LRIT1: variants seen among roughly 807,000 people sequenced by gnomAD.
LRIT1 encodes the protein leucine rich repeat, Ig-like and transmembrane domains 1.
In LRIT1, 23 loss-of-function variants were observed where a neutral mutation model predicts 24.0. The ratio of observed to expected loss-of-function variants is 0.96; its 90% CI spans 0.69 to 1.36. The LOEUF (loss-of-function observed/expected upper bound fraction) is 1.36. Ranked by LOEUF, LRIT1 falls within the 40% of genes most tolerant of loss-of-function variation. The probability of loss-of-function intolerance (pLI) is 0.00; values close to 1 mark genes in which losing one functional copy is unlikely to be tolerated. For missense variants in LRIT1, 846 were observed against 806.3 expected (o/e 1.05, Z -0.60); for synonymous variants, 361 against 340.5 (o/e 1.06, Z -0.66).
rs900961105 is a variant in LRIT1, at chr10:84,231,806, T to G, written c.*121A>C. The stretch of plus-strand genomic sequence containing the variant: ...GTAGCAGCTGCTGCTGCTGTTGTTG[T>G]GTGTAAGTATCTGAGTAAGCAGGTA... On this transcript the variant is annotated 3_prime_UTR_variant, in exon 4 of 4. Coordinates refer to ENST00000372105, the MANE Select transcript of LRIT1 (RefSeq NM_015613.3). 1.8e-5 allele frequency: 19 copies of G among 1,066,968 alleles called. No homozygotes were observed. The highest frequency in any genetic ancestry group is 4.9e-5 in the South Asian group (3 of 61,284). 66.1% of individuals were successfully genotyped at this position (1,066,968 alleles called of 1,614,324 possible).
At chr10:84,235,790 T>C (rs1255611696) in intron 2 of LRIT1, among the ~76,000 whole-genome samples, 1 of 151,976 alleles carries the variant, frequency 6.6e-6, no homozygotes, top group Non-Finnish European at 1.5e-5. Context: ...TTTGTATTTT[T>C]AGTAGAGACA....
rs1423245935 is a variant in LRIT1, at chr10:84,232,869, C to A, written c.930G>T (p.Trp310Cys). 3 of 1,612,592 alleles carry A rather than the reference C, an allele frequency of 1.9e-6. No individual in the cohort carries two copies. The East Asian group carries it at 6.7e-5, about 36-fold the overall frequency. Reference protein sequence around the residue: ...HQEVSSDGTSWTLLGLPAVSH... With the variant: ...HQEVSSDGTSCTLLGLPAVSH... The stretch of plus-strand genomic sequence containing the variant: ...ACACTGCAGGCAGGCCCAGCAGAGT[C>A]CAGCTCGTGCCGTCACTGGAGACTT... Residue 310 changes from tryptophan to cysteine, a missense_variant, in exon 4 of 4, where the codon TGG (tryptophan) becomes TGT (cysteine). Physicochemically the swap from Trp to Cys is radical, Grantham distance 215. Coordinates refer to ENST00000372105, the MANE Select transcript of LRIT1 (RefSeq NM_015613.3).
In LRIT1 at chr10:84,232,485, C is replaced by T; in HGVS notation, c.1314G>A (p.Gly438=). 6.2e-7 allele frequency: 1 copy of T among 1,614,126 alleles called. No homozygotes were observed. Among genetic ancestry groups the T allele is most frequent in the Non-Finnish European group, 8.5e-7 (1 of 1,180,028 alleles). The change falls in exon 4 of 4, where the codon GGG becomes GGA. Residue 438 remains glycine (G), a synonymous_variant. Transcript: ENST00000372105. The part of the protein sequence containing the change: ...ARMVRSVKVV[G]DTYHSVSLVW... The stretch of plus-strand genomic sequence containing the variant: ...CCAAGGACACGCTGTGGTAAGTGTC[C>T]CCCACCACCTTCACAGACCTCACCA...
chr10:84,232,704 T>C lies in LRIT1; in HGVS notation c.1095A>G (p.Thr365=). 2 of 1,613,868 alleles carry C rather than the reference T, an allele frequency of 1.2e-6. No individual in the cohort carries two copies. Among genetic ancestry groups the C allele is most frequent in the East Asian group, 2.2e-5 (1 of 44,882 alleles). ...AAGCAGCAGCTTCCCCTCCGCCACCTGTCCTTGCCCATAGTGCTCCTGGGC... is the reference window on the plus strand; with the variant it reads ...AAGCAGCAGCTTCCCCTCCGCCACCCGTCCTTGCCCATAGTGCTCCTGGGC... ...SGSPGALWAR[T]GGGGEAAAYN... The change falls in exon 4 of 4, where the codon ACA becomes ACG. Residue 365 remains threonine, a synonymous_variant. Transcript: ENST00000372105.
chr10:84,238,419 G>A (rs543653110), intron 1 of LRIT1, among the ~76,000 whole-genome samples: 5 of 151,590 alleles, frequency 3.3e-5, no homozygotes, highest in Admixed American at 6.6e-5. Context: ...TTGGTTTATC[G>A]TTTAACAAAA....
intron 2 of LRIT1, among the ~76,000 whole-genome samples, chr10:84,236,257 C>A (rs1842646753): frequency 6.6e-6 from 1 of 151,202 alleles, no homozygotes; most frequent in Admixed American, 6.6e-5. Context: ...GGTCGTGCCA[C>A]TGGACTCCAT....
chr10:84,234,485 G>T, intron 2 of LRIT1, 107 bp from the exon 3 acceptor site: 1 of 865,716 alleles, frequency 1.2e-6, no homozygotes, highest in East Asian at 2.7e-5. Context: ...TTCAGAGTCA[G>T]CAGAACTGGC....
Position 84,231,897 on chromosome 10 carries a change from G to A in LRIT1, c.*30C>T. 1.9e-6 allele frequency: 3 copies of A among 1,574,476 alleles called. No homozygotes were observed. Among genetic ancestry groups the A allele is most frequent in the South Asian group, 2.3e-5 (2 of 86,688 alleles). On this transcript the variant is annotated 3_prime_UTR_variant, in exon 4 of 4. Coordinates refer to ENST00000372105, the MANE Select transcript of LRIT1 (RefSeq NM_015613.3). ...AGAGCTAAAGAAGGAGCGTGGGCAG[G>A]CAGGTGTGTGAGTTGCGGAGGCATA...
chr10:84,235,144 A>T (rs1842637677), intron 2 of LRIT1, among the ~76,000 whole-genome samples: 1 of 152,174 alleles, frequency 6.6e-6, no homozygotes, highest in East Asian at 1.9e-4. Flanking sequence ...GTCCCCAAAG[A>T]CTTATTGAAT....
Position 84,232,797 on chromosome 10 carries a change from C to T in LRIT1, c.1002G>A (p.Leu334=), listed in dbSNP as rs200708432. Residue 334 remains leucine (L), a synonymous_variant, in exon 4 of 4, where the codon CTG becomes CTA. Coordinates refer to ENST00000372105, the MANE Select transcript of LRIT1 (RefSeq NM_015613.3). ...AGGAGATAACAGTTTCAGAGGCTCC[C>T]AGGAAGTTCTTGGCTTGGCAGATGT... ...GDYICQAKNF[L]GASETVISLI... 48 of 1,613,686 alleles carry T rather than the reference C, an allele frequency of 3.0e-5. No homozygotes were observed. Among genetic ancestry groups the T allele is most frequent in the Middle Eastern group, 1.6e-4 (1 of 6,084 alleles).
In LRIT1 at chr10:84,232,065, G is replaced by T; in HGVS notation, c.1734C>A (p.Gly578=). Residue 578 remains glycine, a synonymous_variant, in exon 4 of 4, where the codon GGC becomes GGA. Coordinates refer to ENST00000372105, the MANE Select transcript of LRIT1 (RefSeq NM_015613.3). ...TVTYVNLERL[G]YSEDGLEELS... is the part of the protein sequence containing the mutation. The stretch of plus-strand genomic sequence containing the variant: ...GCTCCTCCAAGCCGTCCTCGCTGTA[G>T]CCCAGTCTCTCTAGGTTGACGTAGG... 1 of 1,614,218 alleles carries T rather than the reference G, an allele frequency of 6.2e-7. No homozygotes were observed. Among genetic ancestry groups the T allele is most frequent in the Non-Finnish European group, 8.5e-7 (1 of 1,180,034 alleles).
At chr10:84,240,761 A>G (rs1175928833) in intron 1 of LRIT1, among the ~76,000 whole-genome samples, 3 of 152,138 alleles carry the variant, frequency 2.0e-5, no homozygotes, top group African/African-American at 7.2e-5. Flanking sequence ...TGGAGCACTC[A>G]TAAAAAGGTA....
rs1011140883 is a variant in LRIT1 at position 84,237,478 on chromosome 10, C to A, written c.331G>T (p.Glu111Ter). The A allele has an allele frequency of 3.2e-6, 5 of 1,584,400 alleles. No individual in the cohort carries two copies. Among genetic ancestry groups the A allele is most frequent in the African/African-American group, 2.7e-5 (2 of 74,558 alleles). ...AGGCGGTTCCCGGGCAGCCGCAGCT[C>A]CCGCAGGCGTCGCAGGCCCCGCAGC... Reference protein sequence around the residue: ...LMLRGLRRLRELRLPGNRLAA... With the variant: ...LMLRGLRRLR The change falls in exon 2 of 4, where the codon GAG becomes TAG. Residue 111 changes from glutamate to a stop codon, truncating the protein, a stop_gained. Coordinates refer to ENST00000372105, the MANE Select transcript of LRIT1 (RefSeq NM_015613.3). LOFTEE classifies it high-confidence loss of function.
intron 1 of LRIT1, among the ~76,000 whole-genome samples, chr10:84,237,940 C>A (rs1842665940): frequency 6.6e-6 from 1 of 152,130 alleles, no homozygotes; most frequent in Admixed American, 6.5e-5. Flanking sequence ...CCGGCAAGAC[C>A]CCACCCTTAC....
chr10:84,236,340 A>C (rs1589323358), intron 2 of LRIT1, among the ~76,000 whole-genome samples: 1 of 152,186 alleles, frequency 6.6e-6, no homozygotes, highest in Non-Finnish European at 1.5e-5. Flanking sequence ...TCTCTGTTGC[A>C]TCATAGGTGT....
chr10:84,232,970 C>T (rs1017152705), intron 3 of LRIT1, 67 bp from the exon 4 acceptor site: 1 of 1,531,616 alleles, frequency 6.5e-7, no homozygotes, highest in Non-Finnish European at 8.8e-7. Context: ...CCTTTCAGGG[C>T]CAAGTTCACA....
intron 1 of LRIT1, among the ~76,000 whole-genome samples, chr10:84,240,940 G>T (rs1381715046): frequency 6.6e-6 from 1 of 151,970 alleles, no homozygotes; most frequent in Non-Finnish European, 1.5e-5. Flanking sequence ...GAAGGGGCTG[G>T]GGAAATATAG....
chr10:84,241,341 G>A lies in LRIT1; in HGVS notation c.99C>T (p.Ile33=). Residue 33 remains isoleucine, a synonymous_variant, in exon 1 of 4, where the codon ATC becomes ATT. Coordinates refer to ENST00000372105, the MANE Select transcript of LRIT1 (RefSeq NM_015613.3). The part of the protein sequence containing the change: ...CPSQCSCSLH[I]MGDGSKARTV... The stretch of plus-strand genomic sequence containing the variant: ...ACCTGGCCTTGCTGCCATCACCCAT[G>A]ATATGGAGGCTGCAGCTGCATTGAG... The A allele has an allele frequency of 1.2e-6, 2 of 1,613,886 alleles. No individual in the cohort carries two copies. The highest frequency in any genetic ancestry group is 1.7e-6 in the Non-Finnish European group (2 of 1,179,952).
Position 84,237,434 on chromosome 10 carries a change from C to T in LRIT1, c.375G>A (p.Ala125=). Residue 125 remains alanine, a synonymous_variant, in exon 2 of 4, where the codon GCG becomes GCA. Coordinates refer to ENST00000372105, the MANE Select transcript of LRIT1 (RefSeq NM_015613.3). ...PGNRLAAFPW[A]ALRDAPKLRL... ...GCAGCTTGGGGGCGTCCCTGAGCGC[C>T]GCCCAGGGGAAGGCGGCCAGGCGGT... 1 of 1,548,984 alleles carries T rather than the reference C, an allele frequency of 6.5e-7. No individual in the cohort carries two copies. The highest frequency in any genetic ancestry group is 8.7e-7 in the Non-Finnish European group (1 of 1,149,138).
Sources: gnomAD v4.1 joint callset for allele counts (sites outside exome capture counted in the v4.1 genomes callset) on GRCh38, gnomAD v4.1.1 for gene constraint, MANE v1.5 for transcripts, NCBI Gene and HGNC (gene_info 2026-07-23, HGNC 2026-07-21) for gene names.